Variants in RUNX1T1 observed in about 807,000 individuals in gnomAD.
RUNX1T1 encodes protein CBFA2T1.
Under a neutral mutation model 62.8 loss-of-function variants are expected in RUNX1T1, and 4 were observed. That is an observed-to-expected ratio of 0.06 (90% CI 0.03 to 0.15). The LOEUF (loss-of-function observed/expected upper bound fraction) is 0.15. Among genes scored for constraint, RUNX1T1 ranks in the 10% least tolerant of loss-of-function variants. The probability of loss-of-function intolerance (pLI) is 1.00; values close to 1 mark genes in which losing one functional copy is unlikely to be tolerated. For synonymous variants in RUNX1T1, 291 were observed against 286.0 expected, an observed-to-expected ratio of 1.02 and a Z score of -0.18; for missense variants, 508 against 754.3, an observed-to-expected ratio of 0.67 and a Z score of 3.82.
chr8:92,016,528 A>G (rs1483326159), intron 2 of RUNX1T1, among the ~76,000 whole-genome samples: 1 of 152,100 alleles, frequency 6.6e-6, no homozygotes, highest in African/African-American at 2.4e-5. Flanking sequence ...TATGAAAATT[A>G]GCTGGGCTCA....
intron 4 of RUNX1T1, 159 bp from the exon 6 acceptor site, chr8:92,005,456 C>CA: frequency 1.6e-6 from 1 of 625,704 alleles, no homozygotes; most frequent in Non-Finnish European, 2.7e-6. Flanking sequence ...ATTCTCAGCA[C>CA]TGGGCTACCA....
chr8:91,991,561 C>T, intron 6 of RUNX1T1, 78 bp downstream of exon 7: 1 of 1,447,464 alleles, frequency 6.9e-7, no homozygotes, highest in Admixed American at 2.0e-5. Flanking sequence ...TTTCAAGCCT[C>T]AAGTTAAGTT....
At chr8:91,961,918 T>C (rs1188627135) in intron 10 of RUNX1T1, among the ~76,000 whole-genome samples, 1 of 152,246 alleles carries the variant, frequency 6.6e-6, no homozygotes, top group Non-Finnish European at 1.5e-5. Context: ...AGCCCTGACA[T>C]AGGTATTCAC....
chr8:92,048,631 T>C (rs1272494263), intron 1 of RUNX1T1, among the ~76,000 whole-genome samples: 4 of 151,928 alleles, frequency 2.6e-5, no homozygotes, highest in Admixed American at 2.6e-4. Context: ...AACCATATAT[T>C]TGACACTCAA....
At chr8:92,079,470 A>G (rs1415738895) in intron 1 of RUNX1T1, among the ~76,000 whole-genome samples, 2 of 152,194 alleles carry the variant, frequency 1.3e-5, no homozygotes, top group African/African-American at 4.8e-5. Flanking sequence ...TAGTGAACAG[A>G]GCACCATCTA....
exon 5 of RUNX1T1, chr8:92,005,293 T>C (rs1443218015): frequency 1.2e-6 from 2 of 1,610,934 alleles, no homozygotes; most frequent in Non-Finnish European, 1.7e-6. Context: ...CAGGGGCAAG[T>C]TGGCCTGCAA....
chr8:92,076,231 T>G (rs1157955173), intron 1 of RUNX1T1, 94 bp from the exon 2 acceptor site: 1 of 940,124 alleles, frequency 1.1e-6, no homozygotes, highest in Non-Finnish European at 1.4e-6. Context: ...TAGGCCAGTT[T>G]TGTTATGTTT....
intron 4 of RUNX1T1, among the ~76,000 whole-genome samples, chr8:92,008,382 TCTCTCTCA>T (rs1268909153): frequency 4.8e-5 from 4 of 83,518 alleles, no homozygotes; most frequent in African/African-American, 2.1e-4. Flanking sequence ...TCTCTCTCTC[TCTCTCTCA>T]CACACACACA....
At chr8:91,994,108 T>C (rs989706324) in intron 5 of RUNX1T1, among the ~76,000 whole-genome samples, 6 of 152,224 alleles carry the variant, frequency 3.9e-5, no homozygotes, top group Admixed American at 1.3e-4. Context: ...CTGGCCAATA[T>C]TGGAAATGAT....
intron 1 of RUNX1T1, among the ~76,000 whole-genome samples, chr8:92,083,614 GA>G (rs1270717297): frequency 6.6e-6 from 1 of 152,182 alleles, no homozygotes. Flanking sequence ...TACTGGAGAG[GA>G]TGTGGAGAAA....
chr8:92,096,542 G>C (rs1383018029), intron 1 of RUNX1T1, among the ~76,000 whole-genome samples: 1 of 152,188 alleles, frequency 6.6e-6, no homozygotes, highest in Non-Finnish European at 1.5e-5. Context: ...CCTTAATGGA[G>C]TGCAGATAAT....
At chr8:92,040,750 AT>A (rs981593735) in intron 1 of RUNX1T1, among the ~76,000 whole-genome samples, 2 of 152,074 alleles carry the variant, frequency 1.3e-5, no homozygotes, top group South Asian at 2.1e-4. Context: ...TTATAATGTA[AT>A]TTTTTTTAGC....
At chr8:91,960,055 G>A (rs913416662) in exon 11 of RUNX1T1, 26 of 620,602 alleles carry the variant, frequency 4.2e-5, no homozygotes, top group Middle Eastern at 4.3e-4. Context: ...ATTACGACCC[G>A]TTACTGGCCC....
At chr8:92,034,051 A>G (rs1346143490) in intron 1 of RUNX1T1, among the ~76,000 whole-genome samples, 1 of 152,116 alleles carries the variant, frequency 6.6e-6, no homozygotes, top group Non-Finnish European at 1.5e-5. Flanking sequence ...AGCAGGATTC[A>G]AGACAACCAA....
intron 1 of RUNX1T1, chr8:92,095,142 T>C: frequency 6.5e-7 from 1 of 1,535,578 alleles, no homozygotes; most frequent in Non-Finnish European, 8.7e-7. Context: ...CTCACTCTGC[T>C]AATCTTTAAA....
Position 91,993,627 on chromosome 8 carries a change from CT to C in RUNX1T1, c.660-1739del, listed in dbSNP as rs372356253. ...AATTTATACTTTACCCTATCTCAGG[CT>C]TTTTTCCCCCCAGCTCCTCAATAAC... On this transcript the variant is annotated intron_variant, in intron 5 of 10. Transcript: ENST00000396218. 1.8e-4 allele frequency among the ~76,000 whole-genome samples: 28 copies of C among 152,156 alleles called. No homozygotes were observed. The South Asian group carries it at 1.9e-3, about 10-fold the overall frequency.
intron 8 of RUNX1T1, among the ~76,000 whole-genome samples, chr8:91,983,644 C>T (rs75694696): frequency 7.2e-4 from 109 of 152,248 alleles, no homozygotes; most frequent in African/African-American, 2.1e-3. Flanking sequence ...TCTTTATCTG[C>T]GCACATGCAC....
exon 11 of RUNX1T1, chr8:91,959,490 A>ATATGTG (rs1810000261): frequency 1.4e-5 from 1 of 69,650 alleles, no homozygotes; most frequent in African/African-American, 7.1e-5. Flanking sequence ...GTGTGTGTGT[A>ATATGTG]TATATATATA....
chr8:92,095,292 C>T, intron 1 of RUNX1T1: 1 of 1,519,896 alleles, frequency 6.6e-7, no homozygotes, highest in Non-Finnish European at 8.8e-7. Context: ...CCCCTTCCTC[C>T]TGGCCACCCC....
Sources: gnomAD v4.1 joint callset for allele counts (sites outside exome capture counted in the v4.1 genomes callset) on GRCh38, gnomAD v4.1.1 for gene constraint, MANE v1.5 for transcripts, NCBI Gene and HGNC (gene_info 2026-07-23, HGNC 2026-07-21) for gene names.